Variants in TTC8 observed in about 807,000 individuals in gnomAD.
The protein encoded by TTC8 is tetratricopeptide repeat protein 8.
In TTC8, 47 loss-of-function variants were observed where a neutral mutation model predicts 72.5. The ratio of observed to expected loss-of-function variants is 0.65; its 90% CI spans 0.51 to 0.83. The LOEUF (loss-of-function observed/expected upper bound fraction) is 0.83. TTC8 is among the 40% of genes least tolerant of loss of function. The pLI is 0.00. For synonymous variants in TTC8, 199 were observed against 221.4 expected, an observed-to-expected ratio of 0.90 and a Z score of 0.90; for missense variants, 611 against 623.2, an observed-to-expected ratio of 0.98 and a Z score of 0.21.
At position 88,870,123 on chromosome 14, in the gene TTC8, A is replaced by T. The variant is rs750773916; in HGVS notation, c.974A>T (p.His325Leu). ...GAAGTTTTGAAACAAGACAATACTC[A>T]TGTGGAAGCCATCGCATGCATTGGA... is the stretch of plus-strand genomic sequence containing the variant. ...YKEVLKQDNTHVEAIACIGSN... is the reference protein window; with the variant it reads ...YKEVLKQDNTLVEAIACIGSN... The change falls in exon 11 of 15, where the codon CAT (histidine) becomes CTT (leucine). Residue 325 changes from histidine (H) to leucine (L), a missense_variant. By Grantham distance (99) the His-to-Leu change is moderately conservative (BLOSUM62 -3). Transcript: ENST00000380656. The T allele has an allele frequency of 1.2e-6, 2 of 1,613,562 alleles. No homozygotes were observed. The highest frequency in any genetic ancestry group is 4.5e-5 in the East Asian group (2 of 44,856).
intron 2 of TTC8, chr14:88,834,149 C>A: frequency 9.9e-6 from 2 of 202,868 alleles, no homozygotes; most frequent in Non-Finnish European, 2.0e-5. Context: ...TTTTAACTGA[C>A]CTGGTGGCTC....
chr14:88,831,631 A>G (rs2094726513), intron 1 of TTC8, among the ~76,000 whole-genome samples: 1 of 152,152 alleles, frequency 6.6e-6, no homozygotes, highest in South Asian at 2.1e-4. Flanking sequence ...GGGTGTTATA[A>G]GGCTCATGAA....
chr14:88,828,117 T>C (rs2140951493), intron 1 of TTC8, among the ~76,000 whole-genome samples: 1 of 152,364 alleles, frequency 6.6e-6, no homozygotes, highest in Admixed American at 6.5e-5. Flanking sequence ...TGTTCTTAAA[T>C]GTACACTTAC....
At chr14:88,857,804 GA>G (rs2094863974) in intron 9 of TTC8, among the ~76,000 whole-genome samples, 1 of 151,834 alleles carries the variant, frequency 6.6e-6, no homozygotes, top group African/African-American at 2.4e-5. Context: ...TACTCTTAAG[GA>G]AAATTAAATT....
At chr14:88,845,587 A>G (rs924331599) in intron 7 of TTC8, among the ~76,000 whole-genome samples, 2 of 152,238 alleles carry the variant, frequency 1.3e-5, no homozygotes. Context: ...TTTTAACTTC[A>G]TAAAAAGCTG....
At chr14:88,824,647 C>A (rs1178643537), upstream of TTC8, 2 of 1,432,400 alleles carry the variant, frequency 1.4e-6, no homozygotes, top group Non-Finnish European at 1.9e-6. Context: ...GCCGCCAGCT[C>A]TTCACTCCAC....
intron 9 of TTC8, among the ~76,000 whole-genome samples, chr14:88,859,894 AT>A (rs1305694580): frequency 9.3e-5 from 11 of 118,856 alleles, no homozygotes; most frequent in African/African-American, 5.6e-4. Flanking sequence ...TATATAATAT[AT>A]AATATAATAT....
chr14:88,848,368 G>A (rs1261778221), intron 7 of TTC8, among the ~76,000 whole-genome samples: 1 of 151,978 alleles, frequency 6.6e-6, no homozygotes, highest in African/African-American at 2.4e-5. Context: ...ATACATTATA[G>A]GTGATATTAC....
chr14:88,863,584 C>T (rs994154124), intron 10 of TTC8, among the ~76,000 whole-genome samples: 3 of 152,222 alleles, frequency 2.0e-5, no homozygotes, highest in African/African-American at 4.8e-5. Context: ...ACACTGTTTA[C>T]GCAAACAGGT....
Position 88,874,420 on chromosome 14 carries a change from C to T in TTC8, c.1348-606C>T, listed in dbSNP as rs576063743. Among the ~76,000 whole-genome samples, 3 of 151,902 alleles carry T rather than the reference C, an allele frequency of 2.0e-5. No homozygotes were observed. In the South Asian group the frequency reaches 6.2e-4, roughly 32 times the overall value. ...GCTCAGTGGTCTCTGCATTGATGAT[C>T]CTATGATCACAAAAAAAAAATGTGA... On this transcript the variant is annotated intron_variant, in intron 13 of 14. Coordinates refer to ENST00000380656, the MANE Select transcript of TTC8 (RefSeq NM_144596.4).
In TTC8 at chr14:88,871,151, C is replaced by A. The variant is rs531241907; in HGVS notation, c.1050-398C>A. Among the ~76,000 whole-genome samples, 2 of 152,182 alleles carry A rather than the reference C, an allele frequency of 1.3e-5. No homozygotes were observed. Among genetic ancestry groups the A allele is most frequent in the Non-Finnish European group, 2.9e-5 (2 of 68,026 alleles). Reference sequence around the variant, plus strand: ...AAAACGGGATCCAGTCAGCTGAAAACGTAGAGGTTAATGCTAAACGCAGTC... The same window carrying A: ...AAAACGGGATCCAGTCAGCTGAAAAAGTAGAGGTTAATGCTAAACGCAGTC... On this transcript the variant is annotated intron_variant, in intron 11 of 14. Transcript: ENST00000380656. The surrounding 1 kb of genome is among the most constrained non-coding windows in gnomAD (Gnocchi z 4.1).
intron 9 of TTC8, among the ~76,000 whole-genome samples, chr14:88,859,472 A>C (rs920607189): frequency 6.6e-6 from 1 of 152,204 alleles, no homozygotes; most frequent in Non-Finnish European, 1.5e-5. Context: ...TGATGAGAAC[A>C]CATGGACACA....
intron 9 of TTC8, among the ~76,000 whole-genome samples, chr14:88,859,210 T>G (rs1372595909): frequency 1.3e-5 from 2 of 152,100 alleles, no homozygotes; most frequent in Non-Finnish European, 2.9e-5. Context: ...CAATGACACA[T>G]GCATGCATAT....
At chr14:88,853,130 G>C (rs761458994) in intron 8 of TTC8, 74 bp downstream of exon 8, 33 of 1,080,546 alleles carry the variant, frequency 3.1e-5, no homozygotes, top group African/African-American at 1.2e-4. Flanking sequence ...ACTTTTTGAG[G>C]GGGGGGAGAT....
intron 6 of TTC8, among the ~76,000 whole-genome samples, chr14:88,842,994 A>G (rs1043040170): frequency 3.3e-5 from 5 of 152,072 alleles, no homozygotes. Context: ...TTTTTTAAAA[A>G]ATTGGTTGCC....
chr14:88,833,213 T>A (rs1178938693), intron 1 of TTC8, among the ~76,000 whole-genome samples: 1 of 152,172 alleles, frequency 6.6e-6, no homozygotes, highest in Non-Finnish European at 1.5e-5. Context: ...ATAAGTCTGA[T>A]TTTTTTAACC....
chr14:88,866,413 A>ACG (rs1555394046), intron 10 of TTC8, among the ~76,000 whole-genome samples: 4 of 149,576 alleles, frequency 2.7e-5, no homozygotes, highest in Admixed American at 6.6e-5. Flanking sequence ...ACACACACAC[A>ACG]CGCACACACA....
At chr14:88,827,566 G>T (rs944778013) in intron 1 of TTC8, among the ~76,000 whole-genome samples, 2 of 152,142 alleles carry the variant, frequency 1.3e-5, no homozygotes, top group African/African-American at 4.8e-5. Flanking sequence ...GTTAGGTTTT[G>T]TTACTAGGTA....
At position 88,872,442 on chromosome 14, in the gene TTC8, AC is replaced by A. The variant is rs2094938571; in HGVS notation, c.1338del (p.His446GlnfsTer15). The A allele has an allele frequency of 6.2e-7, 1 of 1,613,784 alleles. No individual in the cohort carries two copies. The highest frequency in any genetic ancestry group is 1.3e-5 in the African/African-American group (1 of 74,926). On this transcript the variant is annotated frameshift_variant, in exon 13 of 15. Transcript: ENST00000380656. LOFTEE classifies it high-confidence loss of function. ...NLAVLEMRKGHVEQARALLQT... is the reference protein window; with the variant it reads ...NLAVLEMRKGXVEQARALLQT... ...GCTGTGCTGGAGATGCGGAAGGGCC[AC>A]GTTGAACAGGTCAGTGAACTGGCAG...
Sources: gnomAD v4.1 joint callset for allele counts (sites outside exome capture counted in the v4.1 genomes callset) on GRCh38, gnomAD v4.1.1 for gene constraint, Gnocchi (gnomAD v3.1) non-coding constraint, MANE v1.5 for transcripts, NCBI Gene and HGNC (gene_info 2026-07-23, HGNC 2026-07-21) for gene names.